ITIH5: variants seen among roughly 807,000 people sequenced by gnomAD.
ITIH5 encodes the protein inter-alpha-trypsin inhibitor heavy chain 5.
In ITIH5, 65 loss-of-function variants were observed where a neutral mutation model predicts 77.5. The ratio of observed to expected loss-of-function variants is 0.84; its 90% CI spans 0.69 to 1.03. The LOEUF (loss-of-function observed/expected upper bound fraction) is 1.03, where lower values mean the gene tolerates loss of function less well. Among genes scored for constraint, ITIH5 ranks in the 50% least tolerant of loss-of-function variants. The pLI, the probability that ITIH5 is intolerant of heterozygous loss-of-function variation, is 0.00. For synonymous variants in ITIH5, 525 were observed against 494.3 expected (o/e 1.06, Z -0.82); for missense variants, 1,208 against 1,213.1 (o/e 1.00, Z 0.06).
At chr10:7,627,367 C>G (rs922252446) in intron 5 of ITIH5, among the ~76,000 whole-genome samples, 1 of 148,190 alleles carries the variant, frequency 6.7e-6, no homozygotes, top group Non-Finnish European at 1.5e-5. Context: ...AGGTTCAATT[C>G]AAGCCCTTCT....
rs140304745 is a variant in ITIH5 at position 7,646,152 on chromosome 10, A to T, written c.136-4062T>A. 7.8e-3 allele frequency among the ~76,000 whole-genome samples: 1,187 copies of T among 152,360 alleles called. 6 individuals are homozygous for T. The highest frequency in any genetic ancestry group is 0.013 in the Admixed American group (195 of 15,306). On this transcript the variant is annotated intron_variant, in intron 2 of 13. Coordinates refer to ENST00000397146, the MANE Select transcript of ITIH5 (RefSeq NM_030569.7). ...TGCGAAGCATCTAGAATACCACTGCACCCAGCTCTGATTTCTACAGATGCA... is the reference window on the plus strand; with the variant it reads ...TGCGAAGCATCTAGAATACCACTGCTCCCAGCTCTGATTTCTACAGATGCA...
chr10:7,604,219 C>A (rs182516923), intron 7 of ITIH5, among the ~76,000 whole-genome samples: 1 of 152,292 alleles, frequency 6.6e-6, no homozygotes, highest in Non-Finnish European at 1.5e-5. Flanking sequence ...CCTCCAAAGC[C>A]AAACAGAGTT....
intron 7 of ITIH5, among the ~76,000 whole-genome samples, chr10:7,599,529 A>C (rs1185782557): frequency 6.6e-6 from 1 of 152,168 alleles, no homozygotes; most frequent in Admixed American, 6.5e-5. Context: ...AGATCCCCGC[A>C]TGTTTCATTG....
intron 7 of ITIH5, 81 bp downstream of exon 7, chr10:7,615,901 T>C (rs1833354163): frequency 1.2e-6 from 1 of 854,608 alleles, no homozygotes; most frequent in South Asian, 1.4e-5. Context: ...GTTTGGCATC[T>C]ACCGAACTTT....
At position 7,579,828 on chromosome 10, in the gene ITIH5, T is replaced by G; in HGVS notation, c.1345A>C (p.Lys449Gln). 6.2e-7 allele frequency: 1 copy of G among 1,614,088 alleles called. No individual in the cohort carries two copies. The highest frequency in any genetic ancestry group is 8.5e-7 in the Non-Finnish European group (1 of 1,179,970). The part of the protein sequence containing the change: ...GNDVDFRLLE[K>Q]LSLENCGLTR... ...AGGCCACAGTTCTCCAGCGACAGTT[T>G]CTCCAGCAGCCTGAAGTCCACGTCG... is the stretch of plus-strand genomic sequence containing the variant. The change falls in exon 9 of 14, where the codon AAA becomes CAA. Residue 449 changes from lysine (K) to glutamine (Q), a missense_variant. Coordinates refer to ENST00000397146, the MANE Select transcript of ITIH5 (RefSeq NM_030569.7).
chr10:7,597,221 T>C (rs1564252002), intron 7 of ITIH5, among the ~76,000 whole-genome samples: 1 of 152,016 alleles, frequency 6.6e-6, no homozygotes, highest in Non-Finnish European at 1.5e-5. Context: ...GCCTTTGTCC[T>C]TTCTAAGGTG....
At chr10:7,642,200 C>T (rs1833902058) in intron 2 of ITIH5, 110 bp from the exon 3 acceptor site, 1 of 824,246 alleles carries the variant, frequency 1.2e-6, no homozygotes, top group Non-Finnish European at 1.9e-6. Context: ...GTTTGGGAGC[C>T]TTTGGCATGT....
chr10:7,631,633 G>A (rs1292780033), intron 5 of ITIH5, among the ~76,000 whole-genome samples: 1 of 152,152 alleles, frequency 6.6e-6, no homozygotes, highest in Admixed American at 6.5e-5. Context: ...CAGGAGATGG[G>A]AAGAGGTTGT....
At chr10:7,627,924 C>G (rs1057130553) in intron 5 of ITIH5, among the ~76,000 whole-genome samples, 1 of 147,756 alleles carries the variant, frequency 6.8e-6, no homozygotes, top group African/African-American at 2.5e-5. Context: ...TCAATGCAAC[C>G]TCCGCCTCCC....
chr10:7,651,247 C>T (rs1403740363), intron 2 of ITIH5, among the ~76,000 whole-genome samples: 3 of 151,478 alleles, frequency 2.0e-5, no homozygotes, highest in Non-Finnish European at 2.9e-5. Context: ...ATATATAAAC[C>T]GACCAATCCA....
chr10:7,623,669 G>A (rs1221594463), intron 5 of ITIH5, among the ~76,000 whole-genome samples: 2 of 152,012 alleles, frequency 1.3e-5, no homozygotes, highest in South Asian at 4.2e-4. Flanking sequence ...CAGGCGTGGT[G>A]GCAGGCGCCT....
At chr10:7,654,060 G>A (rs1247460439) in intron 2 of ITIH5, among the ~76,000 whole-genome samples, 3 of 152,184 alleles carry the variant, frequency 2.0e-5, no homozygotes, top group Non-Finnish European at 2.9e-5. Flanking sequence ...AGGAGGCTGA[G>A]GCAGGAGGAT....
In ITIH5 at chr10:7,566,739, AAAGAAG is replaced by A. The variant is rs766137778; in HGVS notation, c.2150-338_2150-333del. Among the ~76,000 whole-genome samples, 6 of 29,680 alleles carry A rather than the reference AAAGAAG, an allele frequency of 2.0e-4. 2 individuals are homozygous for A. The highest frequency in any genetic ancestry group is 1.8e-3 in the East Asian group (2 of 1,116). 19.5% of individuals were successfully genotyped at this position (29,680 alleles called of 152,430 possible). ...CCTATCTCATTAAAAAAAAAAAAAAAAAGAAGAAGAAGAAGAAGAAGAAGAAAGAAG... is the reference window on the plus strand; with the variant it reads ...CCTATCTCATTAAAAAAAAAAAAAAAAAGAAGAAGAAGAAGAAGAAAGAAG... On this transcript the variant is annotated intron_variant, in intron 12 of 13. Transcript: ENST00000397146.
At chr10:7,610,895 C>A (rs1537630) in intron 7 of ITIH5, among the ~76,000 whole-genome samples, 3 of 151,820 alleles carry the variant, frequency 2.0e-5, no homozygotes, top group East Asian at 1.9e-4. Context: ...CAGTGGCTAG[C>A]AAGGAATGGA....
intron 5 of ITIH5, among the ~76,000 whole-genome samples, chr10:7,629,070 C>T (rs1301699927): frequency 7.2e-6 from 1 of 138,080 alleles, no homozygotes; most frequent in Non-Finnish European, 1.6e-5. Flanking sequence ...AGCGTGTGCC[C>T]ATGTTGTAGC....
At chr10:7,573,430 G>T (rs1832344619) in intron 10 of ITIH5, among the ~76,000 whole-genome samples, 1 of 151,852 alleles carries the variant, frequency 6.6e-6, no homozygotes, top group Non-Finnish European at 1.5e-5. Flanking sequence ...GCTTCCGGAG[G>T]CCAAGGTGGG....
At chr10:7,567,319 T>TTTTTTATTATTATTATTA (rs71515477) in intron 12 of ITIH5, among the ~76,000 whole-genome samples, 1 of 139,498 alleles carries the variant, frequency 7.2e-6, no homozygotes, top group Non-Finnish European at 1.5e-5. Flanking sequence ...TCGGACATCT[T>TTTTTTATTATTATTATTA]TTATTATTAT....
intron 7 of ITIH5, among the ~76,000 whole-genome samples, chr10:7,591,908 A>G (rs1313305828): frequency 2.0e-5 from 3 of 152,026 alleles, no homozygotes; most frequent in Non-Finnish European, 4.4e-5. Context: ...GTCTTGCTTT[A>G]TCGCCAGGCT....
In ITIH5 at chr10:7,572,535, C is replaced by T. The variant is rs891380561; in HGVS notation, c.2032+607G>A. 4 of 1,185,662 alleles carry T rather than the reference C, an allele frequency of 3.4e-6. No individual in the cohort carries two copies. In the South Asian group the frequency reaches 6.0e-5, roughly 18 times the overall value. The allele number at this position is 1,185,662 out of a possible 1,614,324, so 73.4% of individuals were successfully genotyped here. ...ATCTCTAAAACAAATGTCTTCTAAA[C>T]TCAATGAGGGTCAGAATGTGCCTCT... On this transcript the variant is annotated intron_variant, in intron 11 of 13. Coordinates refer to ENST00000397146, the MANE Select transcript of ITIH5 (RefSeq NM_030569.7).
Sources: gnomAD v4.1 joint callset for allele counts (sites outside exome capture counted in the v4.1 genomes callset) on GRCh38, gnomAD v4.1.1 for gene constraint, MANE v1.5 for transcripts, NCBI Gene and HGNC (gene_info 2026-07-23, HGNC 2026-07-21) for gene names.